Variants in CFAP61 observed in about 807,000 individuals in gnomAD.
CFAP61 encodes cilia and flagella associated protein 61, also known as cilia- and flagella-associated protein 61.
CFAP61 carries 107 observed loss-of-function variants against 135.6 expected under a neutral mutation model. That is an observed-to-expected ratio of 0.79 (90% CI 0.67 to 0.93). CFAP61 has a LOEUF of 0.93. Among genes scored for constraint, CFAP61 ranks in the 40% least tolerant of loss-of-function variants. The probability of loss-of-function intolerance (pLI) is 0.00; values close to 1 mark genes in which losing one functional copy is unlikely to be tolerated. For missense variants in CFAP61, 1,507 were observed against 1,556.2 expected (o/e 0.97, Z 0.53); for synonymous variants, 575 against 578.5 (o/e 0.99, Z 0.09).
At chr20:20,081,690 C>T (rs1196871851) in intron 6 of CFAP61, among the ~76,000 whole-genome samples, 1 of 152,102 alleles carries the variant, frequency 6.6e-6, no homozygotes, top group African/African-American at 2.4e-5. Flanking sequence ...CTCTTGAAAA[C>T]TTGAGTGCTA....
At chr20:20,240,067 A>T (rs187718096) in intron 18 of CFAP61, among the ~76,000 whole-genome samples, 2 of 152,186 alleles carry the variant, frequency 1.3e-5, no homozygotes, top group East Asian at 3.9e-4. Flanking sequence ...TTTGATGGAG[A>T]TAGAGGAGGA....
chr20:20,222,476 C>T (rs1011074827), intron 17 of CFAP61, among the ~76,000 whole-genome samples: 5 of 152,258 alleles, frequency 3.3e-5, no homozygotes, highest in East Asian at 1.9e-4. Context: ...ATACCACAGA[C>T]ACAACAGTTT....
chr20:20,251,785 G>A (rs201602526), intron 20 of CFAP61, 22 bp downstream of exon 20: 296 of 1,610,108 alleles, frequency 1.8e-4, no homozygotes, highest in Non-Finnish European at 2.4e-4. Context: ...CACAGGGGGC[G>A]CAAGCCACGT....
chr20:20,059,497 A>C lies in CFAP61; in HGVS notation c.143+2701A>C, dbSNP rs2044642345. Among the ~76,000 whole-genome samples the C allele has an allele frequency of 4.0e-5, 6 of 151,032 alleles. No individual in the cohort carries two copies. In the South Asian group the frequency reaches 1.3e-3, roughly 32 times the overall value. The stretch of plus-strand genomic sequence containing the variant: ...GCCAGGAGTGGTGGCACACACATGT[A>C]GTCCCAGCTACTCAGGAGGCTGAGG... On this transcript the variant is annotated intron_variant, in intron 2 of 26. Coordinates refer to ENST00000245957, the MANE Select transcript of CFAP61 (RefSeq NM_015585.4).
chr20:20,223,953 G>T (rs2048562708), intron 17 of CFAP61, among the ~76,000 whole-genome samples: 1 of 152,106 alleles, frequency 6.6e-6, no homozygotes, highest in Non-Finnish European at 1.5e-5. Context: ...AAAATAATTT[G>T]CAATACAGAA....
intron 8 of CFAP61, among the ~76,000 whole-genome samples, chr20:20,108,299 T>A (rs1163908870): frequency 6.6e-6 from 1 of 152,128 alleles, no homozygotes; most frequent in Non-Finnish European, 1.5e-5. Flanking sequence ...TTTGAGGAAA[T>A]AATACTAATA....
Position 20,246,194 on chromosome 20 carries a change from A to G in CFAP61, c.2138A>G (p.Gln713Arg). 6.2e-7 allele frequency: 1 copy of G among 1,612,828 alleles called. No individual in the cohort carries two copies. Among genetic ancestry groups the G allele is most frequent in the African/African-American group, 1.3e-5 (1 of 75,040 alleles). The change falls in exon 19 of 27, where the codon CAA becomes CGA. Residue 713 changes from glutamine (Q) to arginine (R), a missense_variant. Transcript: ENST00000245957. The stretch of plus-strand genomic sequence containing the variant: ...GGAAAAAAACTTCTGGACACTGAAC[A>G]AAGGAAATTTTTAGCCAGCGAGTAT... The part of the protein sequence containing the change: ...LPGKKLLDTE[Q>R]RKFLASDHCF...
At chr20:20,355,983 G>A (rs2059121583) in intron 26 of CFAP61, among the ~76,000 whole-genome samples, 1 of 19,844 alleles carries the variant, frequency 5.0e-5, no homozygotes, top group South Asian at 8.8e-3. Context: ...CACTGTGAGG[G>A]GACGTCACAC....
chr20:20,285,247 A>T (rs113400140), intron 22 of CFAP61, among the ~76,000 whole-genome samples: 2 of 142,762 alleles, frequency 1.4e-5, no homozygotes, highest in African/African-American at 5.1e-5. Flanking sequence ...TGCTGTGGGT[A>T]TTCTGTGTTT....
chr20:20,212,422 C>T (rs555895662), intron 17 of CFAP61, among the ~76,000 whole-genome samples: 2 of 152,330 alleles, frequency 1.3e-5, no homozygotes, highest in South Asian at 4.1e-4. Flanking sequence ...CCAAGCACGT[C>T]TACATGTCGT....
intron 25 of CFAP61, among the ~76,000 whole-genome samples, chr20:20,310,523 G>A (rs1200841046): frequency 6.6e-6 from 1 of 152,334 alleles, no homozygotes; most frequent in East Asian, 1.9e-4. Flanking sequence ...TTCCACTGCA[G>A]ACAGCAGAAT....
intron 22 of CFAP61, among the ~76,000 whole-genome samples, chr20:20,284,396 C>T (rs531869260): frequency 6.6e-6 from 1 of 152,206 alleles, no homozygotes; most frequent in South Asian, 2.1e-4. Context: ...CGCCATTCTC[C>T]TGCCTCAGCT....
chr20:20,181,938 T>G (rs958919590), intron 13 of CFAP61, among the ~76,000 whole-genome samples: 7 of 152,144 alleles, frequency 4.6e-5, no homozygotes, highest in Non-Finnish European at 8.8e-5. Context: ...ATGGCTAAAA[T>G]GAAAGAAGCA....
At chr20:20,355,905 G>C (rs531254287) in intron 26 of CFAP61, among the ~76,000 whole-genome samples, 2 of 145,804 alleles carry the variant, frequency 1.4e-5, no homozygotes, top group African/African-American at 5.2e-5. Context: ...GTGAGGGGAG[G>C]TGGTCACACT....
intron 2 of CFAP61, among the ~76,000 whole-genome samples, chr20:20,057,375 G>A (rs2044443247): frequency 6.6e-6 from 1 of 152,162 alleles, no homozygotes; most frequent in East Asian, 1.9e-4. Flanking sequence ...CACTAGTGGA[G>A]TCACTTAAAA....
chr20:20,181,899 C>T (rs967015432), intron 13 of CFAP61, among the ~76,000 whole-genome samples: 26 of 152,118 alleles, frequency 1.7e-4, no homozygotes, highest in African/African-American at 5.8e-4. Flanking sequence ...GGCTATAGGC[C>T]ATGGGACTGA....
chr20:20,251,556 G>C, intron 19 of CFAP61, 39 bp from the exon 20 acceptor site: 1 of 1,604,018 alleles, frequency 6.2e-7, no homozygotes. Context: ...CCCGCTGTCA[G>C]CTGCTCAGAT....
chr20:20,135,696 C>T (rs1181585289), intron 8 of CFAP61, among the ~76,000 whole-genome samples: 1 of 152,146 alleles, frequency 6.6e-6, no homozygotes, highest in Non-Finnish European at 1.5e-5. Context: ...CTATTTATAT[C>T]TTACTGTACT....
Position 20,110,670 on chromosome 20 carries a change from C to A in CFAP61, c.859+11856C>A, listed in dbSNP as rs1172238267. Among the ~76,000 whole-genome samples the A allele has an allele frequency of 2.6e-5, 4 of 152,122 alleles. No homozygotes were observed. The East Asian group carries it at 5.8e-4, about 22-fold the overall frequency. On this transcript the variant is annotated intron_variant, in intron 8 of 26. Transcript: ENST00000245957. ...AGGTTGTTGGTGATGGCGTAGATAG[C>A]AAATCACTATAACCACGGTCATGGC...
Sources: allele counts gnomAD v4.1 joint callset (sites outside exome capture counted in the v4.1 genomes callset), GRCh38; gene constraint gnomAD v4.1.1; transcripts MANE v1.5; gene names NCBI Gene and HGNC (gene_info 2026-07-23, HGNC 2026-07-21).